The following CUL2 variants were observed in gnomAD, a reference collection of about 807,000 sequenced individuals.
The protein encoded by CUL2 is cullin-2.
A neutral mutation model predicts 110.2 loss-of-function variants in CUL2; 22 were observed. The ratio of observed to expected loss-of-function variants is 0.20; its 90% CI spans 0.14 to 0.28. The LOEUF (loss-of-function observed/expected upper bound fraction) is 0.28, where lower values mean the gene tolerates loss of function less well. Among genes scored for constraint, CUL2 ranks in the 10% least tolerant of loss-of-function variants. The pLI is 1.00. For synonymous variants in CUL2, 279 were observed against 293.2 expected (o/e 0.95, Z 0.49); for missense variants, 631 against 905.5 (o/e 0.70, Z 3.89).
intron 1 of CUL2, among the ~76,000 whole-genome samples, chr10:35,080,869 A>C (rs2086930692): frequency 6.6e-6 from 1 of 152,130 alleles, no homozygotes; most frequent in Admixed American, 6.6e-5. Flanking sequence ...AGTCTCAAAA[A>C]GGGTGACACG....
intron 16 of CUL2, among the ~76,000 whole-genome samples, chr10:35,026,978 T>TC (rs2085351242): frequency 1.3e-5 from 2 of 151,636 alleles, no homozygotes; most frequent in Non-Finnish European, 2.9e-5. Context: ...ATGCTATCCC[T>TC]CCCCCCTCCT....
intron 16 of CUL2, among the ~76,000 whole-genome samples, chr10:35,026,128 C>G (rs1426718523): frequency 6.6e-6 from 1 of 152,170 alleles, no homozygotes; most frequent in African/African-American, 2.4e-5. Context: ...TTTGCCTAGT[C>G]CTGGGAAGCT....
intron 10 of CUL2, 61 bp downstream of exon 10, chr10:35,035,110 AG>A: frequency 6.3e-7 from 1 of 1,579,768 alleles, no homozygotes; most frequent in Non-Finnish European, 8.7e-7. Context: ...ATAAAGTCAA[AG>A]GAAAGGCTCC....
intron 5 of CUL2, among the ~76,000 whole-genome samples, chr10:35,051,854 A>G (rs1327406183): frequency 2.0e-5 from 3 of 152,182 alleles, no homozygotes; most frequent in Admixed American, 2.0e-4. Context: ...CAGTAAATCA[A>G]CTGCTCGGTT....
intron 1 of CUL2, among the ~76,000 whole-genome samples, chr10:35,072,347 C>G (rs1246117083): frequency 6.6e-6 from 1 of 151,406 alleles, no homozygotes; most frequent in African/African-American, 2.4e-5. Flanking sequence ...AGCATGGAAT[C>G]CCTGGCTCCA....
chr10:35,028,921 A>G (rs942783904), intron 15 of CUL2, 34 bp from the exon 16 acceptor site: 2 of 1,216,838 alleles, frequency 1.6e-6, no homozygotes, highest in African/African-American at 3.1e-5. Context: ...AATAAGCTAA[A>G]TGGATCAACA....
intron 1 of CUL2, among the ~76,000 whole-genome samples, chr10:35,077,841 A>T (rs1407366081): frequency 6.6e-6 from 1 of 151,264 alleles, no homozygotes; most frequent in Non-Finnish European, 1.5e-5. Context: ...GAAAAGAAAT[A>T]AAAATAATAT....
At chr10:35,095,242 T>G (rs1026642146), upstream of CUL2, among the ~76,000 whole-genome samples, 3 of 151,134 alleles carry the variant, frequency 2.0e-5, no homozygotes, top group Admixed American at 1.3e-4. Flanking sequence ...GAGAATCACT[T>G]GAATTCACAA....
chr10:35,100,535 G>A (rs991217142), intron 2 of CUL2, among the ~76,000 whole-genome samples: 4 of 152,116 alleles, frequency 2.6e-5, no homozygotes, highest in African/African-American at 9.7e-5. Context: ...GCCGAGGCAG[G>A]CGGATCACTT....
At position 35,015,449 on chromosome 10, in the gene CUL2, A is replaced by G. The variant is rs149250759; in HGVS notation, c.1887+743T>C. The stretch of plus-strand genomic sequence containing the variant: ...ATGTCATCATAATCCTAGGGATGTC[A>G]GCAAAATGAATTAATGAGAGAAATA... On this transcript the variant is annotated intron_variant, in intron 18 of 20. Coordinates refer to ENST00000374749, the MANE Select transcript of CUL2 (RefSeq NM_003591.4). Among the ~76,000 whole-genome samples the G allele has an allele frequency of 5.8e-3, 879 of 152,324 alleles. 8 individuals are homozygous for G. Among genetic ancestry groups the G allele is most frequent in the Admixed American group, 0.014 (209 of 15,300 alleles).
chr10:35,037,829 C>T lies in CUL2; in HGVS notation c.877+1091G>A, dbSNP rs561572525. On this transcript the variant is annotated intron_variant, in intron 9 of 20. Transcript: ENST00000374749. Reference sequence around the variant, plus strand: ...CTGCATTATAGCCTGGGCCACAGAGCGGGACTCCGTCTCAAAAAACAAAAA... The same window carrying T: ...CTGCATTATAGCCTGGGCCACAGAGTGGGACTCCGTCTCAAAAAACAAAAA... Among the ~76,000 whole-genome samples the T allele has an allele frequency of 5.3e-5, 8 of 152,048 alleles. No individual in the cohort carries two copies. The South Asian group carries it at 8.3e-4, about 16-fold the overall frequency.
chr10:35,091,206 G>A (rs764058485), upstream of CUL2, among the ~76,000 whole-genome samples: 4 of 152,060 alleles, frequency 2.6e-5, no homozygotes, highest in Non-Finnish European at 5.9e-5. Flanking sequence ...ACAAAAGCCC[G>A]GCCTTAGTGC....
chr10:35,030,818 A>T (rs1451861456), intron 14 of CUL2, among the ~76,000 whole-genome samples: 2 of 122,476 alleles, frequency 1.6e-5, no homozygotes, highest in Non-Finnish European at 4.0e-5. Context: ...GCTTGAGCCC[A>T]GGAGTTAGAG....
At chr10:35,116,977 C>T (rs899408953) in intron 1 of CUL2, among the ~76,000 whole-genome samples, 2 of 151,080 alleles carry the variant, frequency 1.3e-5, no homozygotes, top group Non-Finnish European at 3.0e-5. Flanking sequence ...AAAAAGTTAG[C>T]CAGGGCTGAT....
At chr10:35,014,111 A>G (rs2084969523) in intron 18 of CUL2, among the ~76,000 whole-genome samples, 1 of 152,204 alleles carries the variant, frequency 6.6e-6, no homozygotes, top group African/African-American at 2.4e-5. Flanking sequence ...CTCATTGCCT[A>G]GAGTTTGACA....
intron 1 of CUL2, among the ~76,000 whole-genome samples, chr10:35,074,579 C>A (rs1203384238): frequency 3.3e-5 from 5 of 152,158 alleles, no homozygotes; most frequent in African/African-American, 4.8e-5. Flanking sequence ...CTCCACCTCC[C>A]ACGTTCAAGT....
intron 1 of CUL2, among the ~76,000 whole-genome samples, chr10:35,081,031 T>C (rs1024480117): frequency 4.0e-5 from 6 of 151,822 alleles, no homozygotes; most frequent in South Asian, 2.1e-4. Flanking sequence ...CTTAGCAACA[T>C]AGACAGACCT....
At chr10:35,072,480 T>C (rs990495275) in intron 1 of CUL2, among the ~76,000 whole-genome samples, 27 of 152,082 alleles carry the variant, frequency 1.8e-4, no homozygotes, top group African/African-American at 6.5e-4. Flanking sequence ...GTGATTCTCC[T>C]GCCTGAACCT....
chr10:35,057,759 G>A (rs576278679), intron 4 of CUL2, among the ~76,000 whole-genome samples: 4 of 151,886 alleles, frequency 2.6e-5, no homozygotes, highest in Non-Finnish European at 5.9e-5. Flanking sequence ...AGTCACTGTA[G>A]TATTTTACAA....
Sources: allele counts gnomAD v4.1 joint callset (sites outside exome capture counted in the v4.1 genomes callset), GRCh38; gene constraint gnomAD v4.1.1; transcripts MANE v1.5; gene names NCBI Gene and HGNC (gene_info 2026-07-23, HGNC 2026-07-21).